ZNRF3: variants seen among roughly 807,000 people sequenced by gnomAD.
The protein encoded by ZNRF3 is zinc and ring finger 3, also known as E3 ubiquitin-protein ligase ZNRF3.
ZNRF3 carries 23 observed loss-of-function variants against 72.5 expected under a neutral mutation model. That is an observed-to-expected ratio of 0.32 (90% CI 0.23 to 0.45). ZNRF3 has a LOEUF of 0.45. Ranked by LOEUF, ZNRF3 falls within the 20% of genes least tolerant of loss-of-function variation. The pLI is 1.00. For synonymous variants in ZNRF3, 610 were observed against 545.3 expected, an observed-to-expected ratio of 1.12 and a Z score of -1.65; for missense variants, 1,169 against 1,272.1, an observed-to-expected ratio of 0.92 and a Z score of 1.23.
chr22:28,907,068 C>T (rs1453581797), intron 1 of ZNRF3, among the ~76,000 whole-genome samples: 42 of 151,712 alleles, frequency 2.8e-4, no homozygotes, highest in African/African-American at 1.0e-3. Flanking sequence ...CTGCAACCTC[C>T]GCCTCCCGGG....
At chr22:28,987,947 T>C (rs1301047757) in intron 2 of ZNRF3, among the ~76,000 whole-genome samples, 1 of 152,196 alleles carries the variant, frequency 6.6e-6, no homozygotes, top group East Asian at 1.9e-4. Flanking sequence ...TTTGCTGCCA[T>C]TGGCTACCAT....
Position 29,050,395 on chromosome 22 carries a change from C to A in ZNRF3, c.2214C>A (p.His738Gln). 1 of 1,605,638 alleles carries A rather than the reference C, an allele frequency of 6.2e-7. No individual in the cohort carries two copies. The highest frequency in any genetic ancestry group is 8.5e-7 in the Non-Finnish European group (1 of 1,175,206). The change falls in exon 8 of 9, where the codon CAC becomes CAA. Residue 738 changes from histidine to glutamine, a missense_variant. Around this residue, in one of 2 missense-constraint regions of ZNRF3, gnomAD observed 783 missense variants for 731.4 expected, o/e 1.07. Coordinates refer to ENST00000544604, the MANE Select transcript of ZNRF3 (RefSeq NM_001206998.2). The stretch of plus-strand genomic sequence containing the variant: ...GCAGCACCTTGTTCCTGGGGCCCCA[C>A]CTCTACGAGGGCTCTGGCCCGGCGG... The part of the protein sequence containing the change: ...AGSSTLFLGP[H>Q]LYEGSGPAGG...
chr22:28,937,201 ATATATATATATATATTTTTTTT>A (rs1406123222), intron 1 of ZNRF3, among the ~76,000 whole-genome samples: 3 of 4,394 alleles, frequency 6.8e-4, no homozygotes, highest in South Asian at 5.1e-3. Context: ...ATATATATAT[ATATATATATATATATTTTTTTT>A]TTTTTTTTTT....
At chr22:28,964,687 ACTT>A (rs1309049411) in intron 1 of ZNRF3, among the ~76,000 whole-genome samples, 2 of 152,188 alleles carry the variant, frequency 1.3e-5, no homozygotes, top group Non-Finnish European at 2.9e-5. Flanking sequence ...ATGAGGATGA[ACTT>A]CTGTACTCCA....
rs1442823258 is a variant in ZNRF3 at position 29,054,682 on chromosome 22, G to C, written c.*1060G>C. ...TGGTGTCCGATGGGGCTGGGGGAGA[G>C]TGCTCTCCACTGACCCAGCAGCACA... On this transcript the variant is annotated 3_prime_UTR_variant, in exon 9 of 9. Coordinates refer to ENST00000544604, the MANE Select transcript of ZNRF3 (RefSeq NM_001206998.2). 1.3e-5 allele frequency: 2 copies of C among 152,780 alleles called. No individual in the cohort carries two copies. Among genetic ancestry groups the C allele is most frequent in the African/African-American group, 4.8e-5 (2 of 41,460 alleles). The allele number at this position is 152,780 out of a possible 1,614,324, so 9.5% of individuals were successfully genotyped here. A position where few individuals can be genotyped will look rare whatever the true frequency, so the allele number is the denominator to read the frequency against.
intron 1 of ZNRF3, among the ~76,000 whole-genome samples, chr22:28,933,913 A>T (rs991515661): frequency 6.6e-6 from 1 of 151,254 alleles, no homozygotes; most frequent in Non-Finnish European, 1.5e-5. Flanking sequence ...CTCGGTGGAG[A>T]TGGAATGATG....
intron 1 of ZNRF3, among the ~76,000 whole-genome samples, chr22:28,954,854 A>T (rs1464591115): frequency 6.6e-6 from 1 of 151,736 alleles, no homozygotes; most frequent in African/African-American, 2.4e-5. Flanking sequence ...GGCTCAAGGG[A>T]TTCTCCCACC....
chr22:29,044,097 C>G (rs1156581004), intron 4 of ZNRF3, among the ~76,000 whole-genome samples: 1 of 152,166 alleles, frequency 6.6e-6, no homozygotes, highest in Non-Finnish European at 1.5e-5. Context: ...GGGACATTCA[C>G]AGTGTAGGAT....
chr22:28,935,903 A>T (rs1486039956), intron 1 of ZNRF3, among the ~76,000 whole-genome samples: 3 of 152,150 alleles, frequency 2.0e-5, no homozygotes, highest in African/African-American at 7.2e-5. Context: ...ATTTGCTTCA[A>T]GAAGTGTTGC....
At chr22:28,988,256 G>C (rs2035891182) in intron 2 of ZNRF3, among the ~76,000 whole-genome samples, 1 of 152,152 alleles carries the variant, frequency 6.6e-6, no homozygotes, top group Non-Finnish European at 1.5e-5. Context: ...AGGTACCATG[G>C]GGAGAGAGCT....
chr22:29,020,249 C>CTTTTTTTTT (rs756716817), intron 2 of ZNRF3, among the ~76,000 whole-genome samples: 1 of 91,772 alleles, frequency 1.1e-5, no homozygotes, highest in Non-Finnish European at 2.0e-5. Flanking sequence ...CACAACCATC[C>CTTTTTTTTT]TTTTTTTTTT....
intron 1 of ZNRF3, among the ~76,000 whole-genome samples, chr22:28,964,628 C>G (rs2035426223): frequency 6.6e-6 from 1 of 152,258 alleles, no homozygotes; most frequent in Admixed American, 6.5e-5. Context: ...CACCTCCTAT[C>G]TCTTGGGAGG....
chr22:28,936,444 C>T (rs1339911185), intron 1 of ZNRF3, among the ~76,000 whole-genome samples: 1 of 152,148 alleles, frequency 6.6e-6, no homozygotes, highest in Non-Finnish European at 1.5e-5. Context: ...CAGCAGGCAA[C>T]CCTGACTCCT....
chr22:28,918,509 C>CGTGTGT (rs750506563), intron 1 of ZNRF3, among the ~76,000 whole-genome samples: 24 of 147,846 alleles, frequency 1.6e-4, no homozygotes, highest in Non-Finnish European at 2.5e-4. Context: ...TGTATGCACA[C>CGTGTGT]GTGTGTGTAT....
chr22:29,049,857 A>G lies in ZNRF3; in HGVS notation c.1676A>G (p.Gln559Arg). ...AGCAGCAGCAGCAGCAGCTCCGGCC[A>G]GTGCCACTGTTCCTCCAGTGACTCT... ...SDSSSSSSSG[Q>R]CHCSSSDSVV... The change falls in exon 8 of 9, where the codon CAG becomes CGG. Residue 559 changes from glutamine (Q) to arginine (R), a missense_variant. Around this residue, in one of 2 missense-constraint regions of ZNRF3, gnomAD observed 783 missense variants for 731.4 expected, o/e 1.07. Coordinates refer to ENST00000544604, the MANE Select transcript of ZNRF3 (RefSeq NM_001206998.2). This position sits in a 1 kb window ranked among gnomAD's most constrained non-coding sequence, Gnocchi z 5.2. 2 of 1,607,052 alleles carry G rather than the reference A, an allele frequency of 1.2e-6. No individual in the cohort carries two copies. The highest frequency in any genetic ancestry group is 1.7e-6 in the Non-Finnish European group (2 of 1,176,282).
At chr22:28,922,132 G>A (rs1416930378) in intron 1 of ZNRF3, among the ~76,000 whole-genome samples, 1 of 152,142 alleles carries the variant, frequency 6.6e-6, no homozygotes, top group African/African-American at 2.4e-5. Flanking sequence ...ACTTATGTGT[G>A]GAATTTCCAC....
chr22:29,025,222 T>TC (rs1357226856), intron 2 of ZNRF3: 3 of 152,096 alleles, frequency 2.0e-5, no homozygotes, highest in African/African-American at 4.8e-5. Context: ...CCTCAAGTGA[T>TC]CCACCCGCCT....
chr22:29,015,589 G>A (rs1202717432), intron 2 of ZNRF3, among the ~76,000 whole-genome samples: 2 of 151,030 alleles, frequency 1.3e-5, no homozygotes, highest in East Asian at 1.9e-4. Flanking sequence ...AGGATCACTT[G>A]AACCTGGGAG....
At position 29,048,840 on chromosome 22, in the gene ZNRF3, T is replaced by C. The variant is rs2037122462; in HGVS notation, c.1015+349T>C. Among the ~76,000 whole-genome samples, 1 of 152,204 alleles carries C rather than the reference T, an allele frequency of 6.6e-6. No homozygotes were observed. Among genetic ancestry groups the C allele is most frequent in the African/African-American group, 2.4e-5 (1 of 41,462 alleles). ...GTGTTCCTAGGACCACGAGAGACGATGAGTGTGCAGAGGCCAGCTTGGGCT... is the reference window on the plus strand; with the variant it reads ...GTGTTCCTAGGACCACGAGAGACGACGAGTGTGCAGAGGCCAGCTTGGGCT... On this transcript the variant is annotated intron_variant, in intron 7 of 8. Transcript: ENST00000544604. The surrounding 1 kb of genome is among the most constrained non-coding windows in gnomAD (Gnocchi z 4.9).
Sources: allele counts gnomAD v4.1 joint callset (sites outside exome capture counted in the v4.1 genomes callset), GRCh38; gene constraint gnomAD v4.1.1; regional missense constraint gnomAD v4.1.1; non-coding constraint Gnocchi (gnomAD v3.1); transcripts MANE v1.5; gene names NCBI Gene and HGNC (gene_info 2026-07-23, HGNC 2026-07-21).